Variants in PDE4B observed in about 807,000 individuals in gnomAD.
PDE4B encodes phosphodiesterase 4B, also known as 3',5'-cyclic-AMP phosphodiesterase 4B.
PDE4B carries 20 observed loss-of-function variants against 82.2 expected under a neutral mutation model. The ratio of observed to expected loss-of-function variants is 0.24; its 90% CI spans 0.17 to 0.35. The LOEUF is 0.35. PDE4B is among the 10% of genes least tolerant of loss of function. The pLI is 1.00. For synonymous variants in PDE4B, 320 were observed against 318.9 expected, an observed-to-expected ratio of 1.00 and a Z score of -0.04; for missense variants, 655 against 907.2, an observed-to-expected ratio of 0.72 and a Z score of 3.57.
intron 3 of PDE4B, among the ~76,000 whole-genome samples, chr1:66,188,780 G>A (rs1038453781): frequency 6.6e-6 from 1 of 151,808 alleles, no homozygotes; most frequent in African/African-American, 2.4e-5. Context: ...GGTCTTGACT[G>A]TTTATCCAAT....
chr1:66,057,390 C>G (rs1034692759), intron 3 of PDE4B, among the ~76,000 whole-genome samples: 4 of 152,190 alleles, frequency 2.6e-5, no homozygotes, highest in African/African-American at 9.6e-5. Flanking sequence ...ATAAGGGCCT[C>G]TTTCTTTCTT....
chr1:66,120,917 C>G (rs1393597505), intron 3 of PDE4B, among the ~76,000 whole-genome samples: 2 of 152,170 alleles, frequency 1.3e-5, no homozygotes, highest in Non-Finnish European at 2.9e-5. Context: ...TTATATGTCT[C>G]ACATGTTATA....
At chr1:66,287,216 C>T (rs76702798) in intron 7 of PDE4B, among the ~76,000 whole-genome samples, 4 of 152,122 alleles carry the variant, frequency 2.6e-5, no homozygotes, top group African/African-American at 7.2e-5. Flanking sequence ...CGAGTGGAGC[C>T]TCCATCTTCG....
At chr1:65,806,500 G>C (rs1480992594) in intron 1 of PDE4B, among the ~76,000 whole-genome samples, 1 of 152,146 alleles carries the variant, frequency 6.6e-6, no homozygotes, top group Admixed American at 6.5e-5. Flanking sequence ...TAGCTTAGAT[G>C]AGTTATTCTA....
chr1:65,998,050 A>G, intron 3 of PDE4B, among the ~76,000 whole-genome samples: 1 of 152,204 alleles, frequency 6.6e-6, no homozygotes, highest in East Asian at 1.9e-4. Flanking sequence ...TTAACAAATA[A>G]TAACAATAAT....
intron 15 of PDE4B, 83 bp downstream of exon 15, chr1:66,368,148 A>T: frequency 6.8e-7 from 1 of 1,466,306 alleles, no homozygotes; most frequent in Non-Finnish European, 9.4e-7. Context: ...ACAAAGATAA[A>T]TTCAGTTATT....
intron 3 of PDE4B, among the ~76,000 whole-genome samples, chr1:66,177,844 G>T (rs1646965477): frequency 2.0e-5 from 3 of 152,150 alleles, no homozygotes; most frequent in Admixed American, 1.3e-4. Context: ...TCAGTAAATA[G>T]TCAAAGCTTT....
At chr1:66,055,829 A>G (rs1432264276) in intron 3 of PDE4B, among the ~76,000 whole-genome samples, 1 of 152,170 alleles carries the variant, frequency 6.6e-6, no homozygotes, top group Non-Finnish European at 1.5e-5. Flanking sequence ...TCATTTAAGC[A>G]TGTTGATATG....
At chr1:66,353,896 C>G (rs574887850) in intron 8 of PDE4B, among the ~76,000 whole-genome samples, 1 of 152,292 alleles carries the variant, frequency 6.6e-6, no homozygotes, top group East Asian at 1.9e-4. Flanking sequence ...CTAACACACT[C>G]TGGATCCTAG....
At chr1:66,244,319 T>C (rs894853110) in intron 3 of PDE4B, among the ~76,000 whole-genome samples, 17 of 152,336 alleles carry the variant, frequency 1.1e-4, no homozygotes, top group African/African-American at 3.8e-4. Flanking sequence ...TTATATAATA[T>C]TCTTATATTT....
At chr1:66,072,773 A>G (rs1365108901) in intron 3 of PDE4B, among the ~76,000 whole-genome samples, 1 of 152,094 alleles carries the variant, frequency 6.6e-6, no homozygotes, top group Non-Finnish European at 1.5e-5. Context: ...CATCAAGGCA[A>G]ATCATATATG....
chr1:66,241,518 T>G (rs1652885976), intron 3 of PDE4B, among the ~76,000 whole-genome samples: 1 of 152,190 alleles, frequency 6.6e-6, no homozygotes, highest in Non-Finnish European at 1.5e-5. Context: ...TTTTTTTTTC[T>G]TTTTGTGAGA....
intron 7 of PDE4B, among the ~76,000 whole-genome samples, chr1:66,281,916 G>A (rs1656326531): frequency 2.0e-5 from 3 of 152,060 alleles, no homozygotes; most frequent in Admixed American, 6.6e-5. Flanking sequence ...ACCTAGGATC[G>A]GAACCATAAA....
chr1:66,316,607 C>A (rs1446619422), intron 7 of PDE4B, among the ~76,000 whole-genome samples: 1 of 152,194 alleles, frequency 6.6e-6, no homozygotes, highest in African/African-American at 2.4e-5. Context: ...TTCTACCTAG[C>A]CTGCACATTT....
intron 1 of PDE4B, among the ~76,000 whole-genome samples, chr1:65,887,227 TTTC>T (rs1386892917): frequency 0.018 from 441 of 24,444 alleles, 4 homozygotes; most frequent in African/African-American, 0.04. Context: ...TCTTTCTTTC[TTTC>T]TTTCTTTCTT....
intron 7 of PDE4B, among the ~76,000 whole-genome samples, chr1:66,271,732 T>C (rs532147857): frequency 6.6e-6 from 1 of 152,318 alleles, no homozygotes; most frequent in South Asian, 2.1e-4. Flanking sequence ...TCTCCTGTAA[T>C]TGAGACCATG....
chr1:65,911,372 C>T (rs1423160549), intron 1 of PDE4B, among the ~76,000 whole-genome samples: 2 of 152,156 alleles, frequency 1.3e-5, no homozygotes, highest in Non-Finnish European at 2.9e-5. Context: ...TATTATCATT[C>T]TTCCATTATC....
intron 3 of PDE4B, among the ~76,000 whole-genome samples, chr1:66,160,164 A>G (rs751963250): frequency 2.0e-5 from 3 of 152,216 alleles, no homozygotes; most frequent in Non-Finnish European, 4.4e-5. Context: ...ACCCATGCCA[A>G]TGTCCCACGG....
chr1:65,942,788 G>GT (rs1200386855), intron 3 of PDE4B, among the ~76,000 whole-genome samples: 15 of 151,816 alleles, frequency 9.9e-5, no homozygotes, highest in African/African-American at 3.6e-4. Context: ...GATGTTGAAC[G>GT]TTTTTTCATA....
Sources: allele counts gnomAD v4.1 joint callset (sites outside exome capture counted in the v4.1 genomes callset), GRCh38; gene constraint gnomAD v4.1.1; transcripts MANE v1.5; gene names NCBI Gene and HGNC (gene_info 2026-07-23, HGNC 2026-07-21).